TAF3: variants seen among roughly 807,000 people sequenced by gnomAD.
TAF3 encodes the protein TATA-box binding protein associated factor 3.
A neutral mutation model predicts 80.6 loss-of-function variants in TAF3; 7 were observed. The observed-to-expected ratio is 0.09, with a 90% CI of 0.05 to 0.16. The LOEUF is 0.16. TAF3 is among the 10% of genes least tolerant of loss of function. The pLI, the probability that TAF3 is intolerant of heterozygous loss-of-function variation, is 1.00. For synonymous variants in TAF3, 444 were observed against 446.1 expected, an observed-to-expected ratio of 1.00 and a Z score of 0.06; for missense variants, 921 against 1,140.2, an observed-to-expected ratio of 0.81 and a Z score of 2.77.
chr10:7,935,627 G>A (rs1237307511), intron 2 of TAF3, among the ~76,000 whole-genome samples: 1 of 148,774 alleles, frequency 6.7e-6, no homozygotes, highest in Non-Finnish European at 1.5e-5. Flanking sequence ...GCTAAGTAGA[G>A]GGCCAGAGAA....
At chr10:7,944,410 T>A (rs1432967854) in intron 2 of TAF3, among the ~76,000 whole-genome samples, 1 of 152,184 alleles carries the variant, frequency 6.6e-6, no homozygotes, top group East Asian at 1.9e-4. Flanking sequence ...ATCAACAGAC[T>A]AATTATTCTT....
At chr10:7,934,526 C>A (rs1460385477) in intron 2 of TAF3, among the ~76,000 whole-genome samples, 1 of 152,130 alleles carries the variant, frequency 6.6e-6, no homozygotes, top group Non-Finnish European at 1.5e-5. Context: ...CTCATTGCAA[C>A]CTTTGCTTTC....
In TAF3 at chr10:7,851,752, GTAT is replaced by G. The variant is rs555828761; in HGVS notation, c.409+27196_409+27198del. ...AACTATTTTTGGCATATCTACGGTA[GTAT>G]TATCACACCCTTAAAATTAATAATT... On this transcript the variant is annotated intron_variant, in intron 2 of 6. Coordinates refer to ENST00000344293, the MANE Select transcript of TAF3 (RefSeq NM_031923.4). 2.6e-5 allele frequency among the ~76,000 whole-genome samples: 4 copies of G among 152,180 alleles called. No homozygotes were observed. The East Asian group carries it at 5.8e-4, about 22-fold the overall frequency.
intron 2 of TAF3, among the ~76,000 whole-genome samples, chr10:7,938,137 A>C (rs1837940030): frequency 6.6e-6 from 1 of 152,202 alleles, no homozygotes; most frequent in Admixed American, 6.5e-5. Flanking sequence ...TAAAACAATA[A>C]ACATATATTT....
chr10:7,911,100 A>G (rs553179131), intron 2 of TAF3, among the ~76,000 whole-genome samples: 8 of 152,352 alleles, frequency 5.3e-5, no homozygotes, highest in Admixed American at 5.2e-4. Context: ...GAGAAGACTC[A>G]CACCTGAAAG....
At chr10:7,838,531 A>G (rs1405185008) in intron 2 of TAF3, among the ~76,000 whole-genome samples, 1 of 152,018 alleles carries the variant, frequency 6.6e-6, no homozygotes, top group Non-Finnish European at 1.5e-5. Flanking sequence ...ACAGGTGTGC[A>G]CCACCACGCC....
rs1202719895 is a variant in TAF3, at chr10:7,964,826, C to A, written c.1316C>A (p.Ser439Tyr). 6.2e-7 allele frequency: 1 copy of A among 1,614,050 alleles called. No individual in the cohort carries two copies. The highest frequency in any genetic ancestry group is 1.3e-5 in the African/African-American group (1 of 74,904). ...PECTTPKAST[S>Y]ANNFTKSGST... ...TGTACTACTCCCAAAGCTTCCACTT[C>A]CGCGAACAATTTCACAAAGTCAGGA... Residue 439 changes from serine to tyrosine, a missense_variant, in exon 3 of 7, where the codon TCC becomes TAC. Ser to Tyr is a moderately radical substitution (Grantham distance 144, BLOSUM62 -2). This residue lies in a region of TAF3 where 743 missense variants were observed against 821.0 expected (regional missense o/e 0.90). Coordinates refer to ENST00000344293, the MANE Select transcript of TAF3 (RefSeq NM_031923.4). The surrounding 1 kb of genome is among the most constrained non-coding windows in gnomAD (Gnocchi z 4.1).
intron 3 of TAF3, 135 bp downstream of exon 3, chr10:7,965,877 G>T: frequency 7.6e-7 from 1 of 1,313,144 alleles, no homozygotes; most frequent in Non-Finnish European, 9.9e-7. Context: ...TTATAATGAG[G>T]TTACAAAATT....
rs762788626 is a variant in TAF3, at chr10:7,964,732, G to A, written c.1222G>A (p.Glu408Lys). 16 of 1,614,008 alleles carry A rather than the reference G, an allele frequency of 9.9e-6. No homozygotes were observed. The East Asian group carries it at 1.1e-4, about 11-fold the overall frequency. ...TGCTGAGCGAGAGCCAGATCCTTTC[G>A]AATTTTCTTCTGGATCGGAATCTGA... ...ACAEREPDPF[E>K]FSSGSESEGD... is the part of the protein sequence containing the mutation. Residue 408 changes from glutamate (E) to lysine (K), a missense_variant, in exon 3 of 7, where the codon GAA becomes AAA. Glu to Lys is a moderately conservative substitution (Grantham distance 56, BLOSUM62 1). Transcript: ENST00000344293. This position sits in a 1 kb window ranked among gnomAD's most constrained non-coding sequence, Gnocchi z 4.1.
chr10:7,842,159 T>TTTTG (rs1564345290), intron 2 of TAF3, among the ~76,000 whole-genome samples: 7 of 103,544 alleles, frequency 6.8e-5, no homozygotes, highest in African/African-American at 1.5e-4. Context: ...TTGTTTTTTT[T>TTTTG]TTTTGTTTTT....
chr10:7,866,949 G>T (rs759269679), intron 2 of TAF3, among the ~76,000 whole-genome samples: 2 of 152,162 alleles, frequency 1.3e-5, no homozygotes, highest in Non-Finnish European at 2.9e-5. Flanking sequence ...TCCAAACTGA[G>T]GAAAGCAGTT....
Position 7,965,145 on chromosome 10 carries a change from A to G in TAF3, c.1635A>G (p.Glu545=). The change falls in exon 3 of 7, where the codon GAA becomes GAG. Residue 545 remains glutamate (E), a synonymous_variant. Transcript: ENST00000344293. ...AAAAGCAGAGAGATAGGGAGAGGGA[A>G]AAAGACAAGAACAAGGACAAAAGTA... ...KKEKQRDRER[E]KDKNKDKSKE... 6.2e-7 allele frequency: 1 copy of G among 1,611,936 alleles called. No individual in the cohort carries two copies. The highest frequency in any genetic ancestry group is 2.2e-5 in the East Asian group (1 of 44,872).
chr10:7,867,705 G>A (rs140531981), intron 2 of TAF3, among the ~76,000 whole-genome samples: 217 of 152,332 alleles, frequency 1.4e-3, no homozygotes, highest in African/African-American at 4.1e-3. Context: ...TAGGAAGCAA[G>A]ATTAATGTCT....
chr10:7,849,787 C>T (rs1264507935), intron 2 of TAF3, among the ~76,000 whole-genome samples: 1 of 152,034 alleles, frequency 6.6e-6, no homozygotes, highest in Non-Finnish European at 1.5e-5. Flanking sequence ...TCAAGCGATC[C>T]TCCCACCTCA....
At chr10:7,975,820 T>A (rs1831666967) in intron 3 of TAF3, among the ~76,000 whole-genome samples, 1 of 152,234 alleles carries the variant, frequency 6.6e-6, no homozygotes. Context: ...GTGTTCCCCT[T>A]TAGAACCACT....
At chr10:7,834,410 T>C (rs1033350704) in intron 2 of TAF3, among the ~76,000 whole-genome samples, 3 of 152,144 alleles carry the variant, frequency 2.0e-5, no homozygotes, top group African/African-American at 7.2e-5. Flanking sequence ...ATTTCATTCT[T>C]CTGCATATGG....
chr10:7,909,788 G>C (rs1837639691), intron 2 of TAF3, among the ~76,000 whole-genome samples: 1 of 152,140 alleles, frequency 6.6e-6, no homozygotes, highest in Non-Finnish European at 1.5e-5. Flanking sequence ...GGAATCAACA[G>C]AGCCAGGAGT....
In TAF3 at chr10:7,947,974, C is replaced by T. The variant is rs535116101; in HGVS notation, c.410-15946C>T. Among the ~76,000 whole-genome samples, 23 of 150,272 alleles carry T rather than the reference C, an allele frequency of 1.5e-4. No homozygotes were observed. The East Asian group carries it at 1.8e-3, about 12-fold the overall frequency. ...AATGACGTTCACAATTCTATGTTGA[C>T]GCACTATAACTTCCTGACATACCTT... On this transcript the variant is annotated intron_variant, in intron 2 of 6. Coordinates refer to ENST00000344293, the MANE Select transcript of TAF3 (RefSeq NM_031923.4).
At chr10:7,836,225 C>G (rs1054208411) in intron 2 of TAF3, among the ~76,000 whole-genome samples, 1 of 152,102 alleles carries the variant, frequency 6.6e-6, no homozygotes, top group African/African-American at 2.4e-5. Flanking sequence ...CAAACTGTCC[C>G]TCTACATCCA....
Sources: gnomAD v4.1 joint callset for allele counts (sites outside exome capture counted in the v4.1 genomes callset) on GRCh38, gnomAD v4.1.1 for gene constraint, gnomAD v4.1.1 regional missense constraint, Gnocchi (gnomAD v3.1) non-coding constraint, MANE v1.5 for transcripts, NCBI Gene and HGNC (gene_info 2026-07-23, HGNC 2026-07-21) for gene names.